Variants in LETM2 observed in about 807,000 individuals in gnomAD.
LETM2 encodes the protein LETM1 domain-containing protein LETM2, mitochondrial.
A neutral mutation model predicts 59.6 loss-of-function variants in LETM2; 58 were observed. The observed-to-expected ratio is 0.97, with a 90% CI of 0.79 to 1.21. LETM2 has a LOEUF of 1.21. Ranked by LOEUF, LETM2 falls within the 50% of genes most tolerant of loss-of-function variation. The pLI is 0.00. For synonymous variants in LETM2, 199 were observed against 214.1 expected (o/e 0.93, Z 0.62); for missense variants, 572 against 575.7 (o/e 0.99, Z 0.07).
chr8:38,390,419 C>T (rs917475527), intron 2 of LETM2, among the ~76,000 whole-genome samples: 1 of 151,632 alleles, frequency 6.6e-6, no homozygotes, highest in African/African-American at 2.4e-5. Context: ...GTCAGCAGTT[C>T]GAGACCAGTC....
Position 38,392,697 on chromosome 8 carries a change from A to G in LETM2, c.203A>G (p.His68Arg). 1 of 1,614,198 alleles carries G rather than the reference A, an allele frequency of 6.2e-7. No individual in the cohort carries two copies. Among genetic ancestry groups the G allele is most frequent in the East Asian group, 2.2e-5 (1 of 44,890 alleles). ...AGTCAGCCAGGCAATACAGTACTTCACCCAGGAACTAGACTAATACAAAAG... is the reference window on the plus strand; with the variant it reads ...AGTCAGCCAGGCAATACAGTACTTCGCCCAGGAACTAGACTAATACAAAAG... Reference protein sequence around the residue: ...DPSQPGNTVLHPGTRLIQKLH... With the variant: ...DPSQPGNTVLRPGTRLIQKLH... Residue 68 changes from histidine (H) to arginine (R), a missense_variant, in exon 3 of 11, where the codon CAC (histidine) becomes CGC (arginine). His to Arg is a conservative substitution (Grantham distance 29, BLOSUM62 0). Coordinates refer to ENST00000379957, the MANE Select transcript of LETM2 (RefSeq NM_001286819.2).
At chr8:38,402,359 C>A (rs1049149183) in intron 6 of LETM2, among the ~76,000 whole-genome samples, 166 bp from the exon 7 acceptor site, 2 of 152,140 alleles carry the variant, frequency 1.3e-5, no homozygotes, top group South Asian at 2.1e-4. Flanking sequence ...TGGCAGGATT[C>A]CCATTATTTC....
At chr8:38,400,579 G>T in intron 5 of LETM2, 170 bp downstream of exon 5, 2 of 710,198 alleles carry the variant, frequency 2.8e-6, no homozygotes, top group Non-Finnish European at 2.2e-6. Context: ...ATAGTAGTTT[G>T]CAGAAAAGCC....
At chr8:38,400,735 T>C (rs1476217891) in intron 5 of LETM2, 118 bp from the exon 6 acceptor site, 10 of 922,660 alleles carry the variant, frequency 1.1e-5, no homozygotes, top group Middle Eastern at 5.1e-4. Flanking sequence ...ACGAAGCCGA[T>C]TTCCAGATGT....
intron 4 of LETM2, among the ~76,000 whole-genome samples, chr8:38,395,603 C>A (rs1434090062): frequency 6.6e-6 from 1 of 152,056 alleles, no homozygotes; most frequent in Non-Finnish European, 1.5e-5. Context: ...GCAACCTCTG[C>A]TTCCCGGGTT....
rs982562539 is a variant in LETM2, at chr8:38,388,541, G to A, written c.47+511G>A. 2.7e-5 allele frequency among the ~76,000 whole-genome samples: 4 copies of A among 148,116 alleles called. No individual in the cohort carries two copies. In the East Asian group the frequency reaches 9.2e-4, roughly 34 times the overall value. On this transcript the variant is annotated intron_variant, in intron 2 of 10. Coordinates refer to ENST00000379957, the MANE Select transcript of LETM2 (RefSeq NM_001286819.2). The stretch of plus-strand genomic sequence containing the variant: ...GTTCAAGACCAGCCTGACCAACATG[G>A]TGAAACCCCGTCTCTACTAAAACTG...
In LETM2 at chr8:38,406,634, T is replaced by C. The variant is rs180841393; in HGVS notation, c.1219-312T>C. ...AAAAGAAAAAAAGAAAAACAAATAA[T>C]TGAGAAATGGCTTTTGAGGCCAACA... On this transcript the variant is annotated intron_variant, in intron 8 of 10. Transcript: ENST00000379957. 108 of 237,418 alleles carry C rather than the reference T, an allele frequency of 4.5e-4. No individual in the cohort carries two copies. The East Asian group carries it at 8.6e-3, about 19-fold the overall frequency. 14.7% of individuals were successfully genotyped at this position (237,418 alleles called of 1,614,324 possible).
upstream of LETM2, among the ~76,000 whole-genome samples, chr8:38,385,413 G>C (rs1003080068): frequency 2.0e-5 from 3 of 152,066 alleles, no homozygotes; most frequent in Non-Finnish European, 4.4e-5. Flanking sequence ...TTTTTTTTGA[G>C]GTGGAATCTC....
chr8:38,395,741 C>T (rs923638139), intron 4 of LETM2, among the ~76,000 whole-genome samples: 57 of 152,244 alleles, frequency 3.7e-4, no homozygotes, highest in African/African-American at 1.3e-3. Context: ...GTCTCGATGT[C>T]CTGACCTCCG....
At chr8:38,388,113 C>T (rs1811922374) in intron 2 of LETM2, 83 bp downstream of exon 2, 1 of 933,792 alleles carries the variant, frequency 1.1e-6, no homozygotes, top group Admixed American at 2.4e-5. Context: ...TGGAGTCGCA[C>T]TCTGTCGCCC....
chr8:38,392,689 A>T lies in LETM2; in HGVS notation c.195A>T (p.Thr65=), dbSNP rs767193468. ...KYSDPSQPGN[T]VLHPGTRLIQ... is the part of the protein sequence containing the mutation. ...CGGATCCTAGTCAGCCAGGCAATACAGTACTTCACCCAGGAACTAGACTAA... is the reference window on the plus strand; with the variant it reads ...CGGATCCTAGTCAGCCAGGCAATACTGTACTTCACCCAGGAACTAGACTAA... Residue 65 remains threonine (T), a synonymous_variant, in exon 3 of 11, where the codon ACA becomes ACT. Coordinates refer to ENST00000379957, the MANE Select transcript of LETM2 (RefSeq NM_001286819.2). 1 of 1,614,200 alleles carries T rather than the reference A, an allele frequency of 6.2e-7. No homozygotes were observed. Among genetic ancestry groups the T allele is most frequent in the Non-Finnish European group, 8.5e-7 (1 of 1,180,042 alleles).
chr8:38,401,018 CTGA>C lies in LETM2; in HGVS notation c.953_955del (p.Met318del). 1 of 1,613,858 alleles carries C rather than the reference CTGA, an allele frequency of 6.2e-7. No individual in the cohort carries two copies. ...CAACAACCTGCTCCGCTTTCAGCTCCTGATGAAACTGAAGTCTATAAAAGCAGA... is the reference window on the plus strand; with the variant it reads ...CAACAACCTGCTCCGCTTTCAGCTCCTGAAACTGAAGTCTATAAAAGCAGA... On this transcript the variant is annotated inframe_deletion, in exon 6 of 11. Transcript: ENST00000379957.
rs761128959 is a variant in LETM2 at position 38,400,326 on chromosome 8, C to G, written c.700C>G (p.Gln234Glu). 42 of 1,613,020 alleles carry G rather than the reference C, an allele frequency of 2.6e-5. No individual in the cohort carries two copies. The highest frequency in any genetic ancestry group is 3.4e-5 in the Non-Finnish European group (40 of 1,179,508). ...AVKLELAKFLQETMTEMARRN... is the reference protein window; with the variant it reads ...AVKLELAKFLEETMTEMARRN... ...AAAGTTGGAACTAGCAAAATTTCTT[C>G]AAGAAACCATGACAGAAATGGCAAG... Residue 234 changes from glutamine (Q) to glutamate (E), a missense_variant, in exon 5 of 11, where the codon CAA (glutamine) becomes GAA (glutamate). Physicochemically the swap from Gln to Glu is conservative, Grantham distance 29. Transcript: ENST00000379957.
At chr8:38,407,146 A>G (rs1249142566) in intron 9 of LETM2, 108 bp downstream of exon 9, 1 of 741,642 alleles carries the variant, frequency 1.3e-6, no homozygotes, top group South Asian at 1.6e-5. Context: ...TCAATACAAT[A>G]ATGTTCCTTA....
intron 1 of LETM2, chr8:38,387,239 C>T (rs1395224782): frequency 6.6e-6 from 1 of 152,276 alleles, no homozygotes; most frequent in East Asian, 1.9e-4. Context: ...GCTAAGGTTT[C>T]TATTCAGGAG....
At position 38,387,982 on chromosome 8, in the gene LETM2, A is replaced by G. The variant is rs867991530; in HGVS notation, c.-2A>G. On this transcript the variant is annotated 5_prime_UTR_variant, in exon 2 of 11. Transcript: ENST00000379957. ...TGTTAACTACTTGAGACAAAAATAA[A>G]TATGGCCTTCTACAGTTATAATTCA... 7.2e-6 allele frequency: 11 copies of G among 1,527,416 alleles called. No individual in the cohort carries two copies. Among genetic ancestry groups the G allele is most frequent in the African/African-American group, 4.1e-5 (3 of 72,918 alleles). 94.6% of individuals were successfully genotyped at this position (1,527,416 alleles called of 1,614,324 possible).
chr8:38,407,132 AAATTC>A, intron 9 of LETM2, 94 bp downstream of exon 9: 1 of 796,536 alleles, frequency 1.3e-6, no homozygotes. Context: ...AATGAAATTG[AAATTC>A]AATACAATAA....
intron 4 of LETM2, among the ~76,000 whole-genome samples, chr8:38,396,685 G>T (rs537103332): frequency 6.6e-6 from 1 of 152,118 alleles, no homozygotes; most frequent in South Asian, 2.1e-4. Context: ...TGGGAGGATT[G>T]TTTAAGCCCA....
At position 38,402,554 on chromosome 8, in the gene LETM2, G is replaced by C. The variant is rs746307854; in HGVS notation, c.1014G>C (p.Leu338Phe). Reference sequence around the variant, plus strand: ...TTGCCAAGGAAGGGGTGACAGCATTGAGTGTATCAGAACTACAGGCTGCCT... The same window carrying C: ...TTGCCAAGGAAGGGGTGACAGCATTCAGTGTATCAGAACTACAGGCTGCCT... ...EIIAKEGVTA[L>F]SVSELQAACR... Residue 338 changes from leucine (L) to phenylalanine (F), a missense_variant, in exon 7 of 11, where the codon TTG (leucine) becomes TTC (phenylalanine). Transcript: ENST00000379957. The C allele has an allele frequency of 6.2e-7, 1 of 1,613,880 alleles. No homozygotes were observed. Among genetic ancestry groups the C allele is most frequent in the Admixed American group, 1.7e-5 (1 of 60,016 alleles).
Sources: gnomAD v4.1 joint callset for allele counts (sites outside exome capture counted in the v4.1 genomes callset) on GRCh38, gnomAD v4.1.1 for gene constraint, MANE v1.5 for transcripts, NCBI Gene and HGNC (gene_info 2026-07-23, HGNC 2026-07-21) for gene names.